Variants in CCDC14 observed in about 807,000 individuals in gnomAD.
CCDC14 encodes the protein coiled-coil domain containing 14.
In CCDC14, 71 loss-of-function variants were observed where a neutral mutation model predicts 81.4. The ratio of observed to expected loss-of-function variants is 0.87; its 90% confidence interval spans 0.72 to 1.06. CCDC14 has a LOEUF of 1.06. Among genes scored for constraint, CCDC14 ranks in the 50% least tolerant of loss-of-function variants. The pLI, the probability that CCDC14 is intolerant of heterozygous loss-of-function variation, is 0.00. For missense variants in CCDC14, 1,046 were observed against 1,047.3 expected, an observed-to-expected ratio of 1.00 and a Z score of 0.02; for synonymous variants, 332 against 364.8, an observed-to-expected ratio of 0.91 and a Z score of 1.03.
Position 123,956,043 on chromosome 3 carries a change from A to C in CCDC14, c.229+3T>G, listed in dbSNP as rs773782968. The C allele has an allele frequency of 6.5e-6, 10 of 1,542,210 alleles. No individual in the cohort carries two copies. Among genetic ancestry groups the C allele is most frequent in the Middle Eastern group, 1.7e-4 (1 of 5,984 alleles). On this transcript the variant is annotated splice_donor_region_variant and intron_variant, in intron 4 of 12. Coordinates refer to ENST00000409697, the MANE Select transcript of CCDC14 (RefSeq NM_001366335.1). ...GATCAGCAAAGAATTAAAAAAAAAA[A>C]ACCTGAATCTTCATTTCTCAAAATG...
At chr3:123,922,133 CAAA>C (rs1277368764) in intron 12 of CCDC14, among the ~76,000 whole-genome samples, 1 of 151,828 alleles carries the variant, frequency 6.6e-6, no homozygotes, top group Admixed American at 6.6e-5. Context: ...ACCAATGAGA[CAAA>C]GAAGAAATTA....
At chr3:123,941,167 T>C (rs139210915) in intron 9 of CCDC14, among the ~76,000 whole-genome samples, 6 of 152,076 alleles carry the variant, frequency 3.9e-5, no homozygotes, top group East Asian at 1.9e-4. Flanking sequence ...TCCAGGAAAT[T>C]TGGAAATGTG....
At chr3:123,955,341 C>T (rs2037262488) in intron 5 of CCDC14, 1 of 151,994 alleles carries the variant, frequency 6.6e-6, no homozygotes, top group Non-Finnish European at 1.5e-5. Context: ...TGTAAAGTAC[C>T]CTTGGCTATA....
Position 123,913,718 on chromosome 3 carries a change from T to C in CCDC14, c.*1061A>G. 1.0e-6 allele frequency: 1 copy of C among 982,860 alleles called. No homozygotes were observed. The highest frequency in any genetic ancestry group is 1.2e-6 in the Non-Finnish European group (1 of 829,566). The allele number at this position is 982,860 out of a possible 1,614,324, so 60.9% of individuals were successfully genotyped here. ...AAAAAAACAAAAAACACGAGGAGGT[T>C]CTGGGATTAGGAGAACACTCTTTAA... On this transcript the variant is annotated 3_prime_UTR_variant, in exon 13 of 13. Transcript: ENST00000409697.
chr3:123,947,800 T>C (rs2036741663), intron 7 of CCDC14, among the ~76,000 whole-genome samples: 1 of 152,020 alleles, frequency 6.6e-6, no homozygotes, highest in Admixed American at 6.6e-5. Context: ...ATTAGTAAGT[T>C]TCTGATATTA....
intron 7 of CCDC14, 106 bp from the exon 8 acceptor site, chr3:123,947,425 T>C (rs1204302315): frequency 1.3e-6 from 1 of 743,934 alleles, no homozygotes; most frequent in Non-Finnish European, 2.1e-6. Context: ...ACATGTTTAT[T>C]AATATATTCA....
At chr3:123,960,288 A>G (rs1284205588) in intron 1 of CCDC14, among the ~76,000 whole-genome samples, 1 of 152,226 alleles carries the variant, frequency 6.6e-6, no homozygotes, top group Non-Finnish European at 1.5e-5. Flanking sequence ...AAGGTCTTTC[A>G]TTTTCACTTA....
At chr3:123,887,480 CAAAA>C in the CCDC14 span, among the ~76,000 whole-genome samples, 111 of 145,162 alleles carry the variant, frequency 7.6e-4, no homozygotes, top group African/African-American at 1.8e-3. Flanking sequence ...ACAACAACAA[CAAAA>C]AAAAAAAACA....
intron 10 of CCDC14, among the ~76,000 whole-genome samples, chr3:123,933,123 A>AACAG (rs1211127984): frequency 1.9e-4 from 27 of 139,376 alleles, no homozygotes; most frequent in African/African-American, 7.4e-4. Context: ...CAAACAAACA[A>AACAG]ACAAACAAAG....
At chr3:123,937,030 G>C (rs182671294) in intron 9 of CCDC14, among the ~76,000 whole-genome samples, 33 of 152,128 alleles carry the variant, frequency 2.2e-4, no homozygotes, top group Non-Finnish European at 2.7e-4. Flanking sequence ...CATCCATGCT[G>C]TTGCATGTAT....
At position 123,931,326 on chromosome 3, in the gene CCDC14, T is replaced by A; in HGVS notation, c.1627A>T (p.Ile543Leu). ...LENKQQYDIE[I>L]TRIKIELEEA... ...TACGTACCAATTTTTATTCTTGTTA[T>A]CTCAATATCATATTGCTGTTTATTT... Residue 543 changes from isoleucine (I) to leucine (L), a missense_variant, in exon 11 of 13, where the codon ATA (isoleucine) becomes TTA (leucine). Physicochemically the swap from Ile to Leu is conservative, Grantham distance 5. Transcript: ENST00000409697. 6.6e-7 allele frequency: 1 copy of A among 1,524,776 alleles called. No homozygotes were observed. The highest frequency in any genetic ancestry group is 1.2e-5 in the South Asian group (1 of 82,686). 94.5% of individuals were successfully genotyped at this position (1,524,776 alleles called of 1,614,324 possible).
At chr3:123,911,262 G>A (rs1035610752), downstream of CCDC14, among the ~76,000 whole-genome samples, 1 of 152,150 alleles carries the variant, frequency 6.6e-6, no homozygotes, top group African/African-American at 2.4e-5. Flanking sequence ...CAAGACAACA[G>A]CTTTAAATAA....
downstream of CCDC14, among the ~76,000 whole-genome samples, chr3:123,896,341 C>T (rs2034062307): frequency 6.6e-6 from 1 of 152,206 alleles, no homozygotes. Context: ...TTGGACTTCT[C>T]AGCTTCCACA....
the CCDC14 span, among the ~76,000 whole-genome samples, chr3:123,890,936 T>A: frequency 7.9e-5 from 12 of 152,348 alleles, no homozygotes; most frequent in South Asian, 2.5e-3. Flanking sequence ...CACCTGGGCA[T>A]CCAGGCATTT....
At chr3:123,896,223 G>A (rs1559752034), downstream of CCDC14, among the ~76,000 whole-genome samples, 1 of 152,106 alleles carries the variant, frequency 6.6e-6, no homozygotes, top group Non-Finnish European at 1.5e-5. Context: ...TTTATAAGAA[G>A]AGGACTAGCA....
At chr3:123,960,630 T>C (rs1404569368) in intron 1 of CCDC14, among the ~76,000 whole-genome samples, 2 of 152,238 alleles carry the variant, frequency 1.3e-5, no homozygotes, top group Non-Finnish European at 2.9e-5. Context: ...GCTGCTGTTA[T>C]CATTAAGATG....
chr3:123,916,410 A>G (rs2034692065), intron 12 of CCDC14, among the ~76,000 whole-genome samples: 1 of 151,896 alleles, frequency 6.6e-6, no homozygotes, highest in Non-Finnish European at 1.5e-5. Flanking sequence ...AAAGGGAAAC[A>G]CACTATTCAT....
chr3:123,956,597 A>G (rs2037339870), intron 2 of CCDC14, 143 bp downstream of exon 2: 3 of 746,692 alleles, frequency 4.0e-6, no homozygotes, highest in Admixed American at 5.9e-5. Flanking sequence ...AATGATTAAC[A>G]TGGGTAGACA....
intron 5 of CCDC14, among the ~76,000 whole-genome samples, chr3:123,901,314 A>G (rs1424855636): frequency 6.6e-6 from 1 of 152,216 alleles, no homozygotes; most frequent in Non-Finnish European, 1.5e-5. Context: ...TAACACTTAT[A>G]AATTCAATTC....
Sources: allele counts gnomAD v4.1 joint callset (sites outside exome capture counted in the v4.1 genomes callset), GRCh38; gene constraint gnomAD v4.1.1; transcripts MANE v1.5; gene names NCBI Gene and HGNC (gene_info 2026-07-23, HGNC 2026-07-21).